Variants in KCNB2 observed in about 807,000 individuals in gnomAD.
KCNB2 encodes the protein delayed rectifier potassium channel protein.
In KCNB2, 15 loss-of-function variants were observed where a neutral mutation model predicts 61.5. That is an observed-to-expected ratio of 0.24 (90% CI 0.16 to 0.38). KCNB2 has a LOEUF of 0.38. Among genes scored for constraint, KCNB2 ranks in the 10% least tolerant of loss-of-function variants. KCNB2 has a pLI of 1.00. For missense variants in KCNB2, 828 were observed against 1,125.2 expected (o/e 0.74, Z 3.78); for synonymous variants, 457 against 446.0 (o/e 1.02, Z -0.31).
At chr8:72,815,940 G>A (rs1426565923) in intron 2 of KCNB2, among the ~76,000 whole-genome samples, 1 of 152,126 alleles carries the variant, frequency 6.6e-6, no homozygotes, top group Non-Finnish European at 1.5e-5. Flanking sequence ...AAATATTCAA[G>A]TGTAATTGTT....
intron 1 of KCNB2, among the ~76,000 whole-genome samples, chr8:72,549,002 C>T (rs1486362238): frequency 1.3e-5 from 2 of 152,186 alleles, no homozygotes; most frequent in Non-Finnish European, 2.9e-5. Context: ...TTATTTCTCA[C>T]CCTTATCCTC....
chr8:72,907,698 G>A (rs920876496), intron 2 of KCNB2, among the ~76,000 whole-genome samples: 1 of 152,202 alleles, frequency 6.6e-6, no homozygotes, highest in Non-Finnish European at 1.5e-5. Context: ...CTTGCCAAAT[G>A]TAGGCTCGAA....
chr8:72,857,167 G>T (rs1343592050), intron 2 of KCNB2, among the ~76,000 whole-genome samples: 2 of 152,122 alleles, frequency 1.3e-5, no homozygotes, highest in African/African-American at 4.8e-5. Context: ...CTGTCTTTCA[G>T]GTACATGAGC....
intron 2 of KCNB2, among the ~76,000 whole-genome samples, chr8:72,588,370 C>G (rs912143972): frequency 3.3e-5 from 5 of 151,948 alleles, no homozygotes; most frequent in Admixed American, 1.3e-4. Context: ...AGTCATGCAC[C>G]ACCACGCCGG....
rs140253783 is a variant in KCNB2, at chr8:72,674,163, G to A, written c.579+105850G>A. 2.3e-4 allele frequency among the ~76,000 whole-genome samples: 35 copies of A among 152,260 alleles called. No homozygotes were observed. In the East Asian group the frequency reaches 4.8e-3, roughly 21 times the overall value. On this transcript the variant is annotated intron_variant, in intron 2 of 2. Coordinates refer to ENST00000523207, the MANE Select transcript of KCNB2 (RefSeq NM_004770.3). Reference sequence around the variant, plus strand: ...AGATGCATAACTCTGAACCCTAAGCGTAACTCTGATGACTGTGGGGCAAGT... The same window carrying A: ...AGATGCATAACTCTGAACCCTAAGCATAACTCTGATGACTGTGGGGCAAGT...
At chr8:72,673,657 C>T (rs182947813) in intron 2 of KCNB2, among the ~76,000 whole-genome samples, 1 of 152,262 alleles carries the variant, frequency 6.6e-6, no homozygotes, top group Admixed American at 6.5e-5. Context: ...CATGAGTGAA[C>T]CTTGAAAGCA....
intron 2 of KCNB2, among the ~76,000 whole-genome samples, chr8:72,931,514 A>G (rs997425135): frequency 1.3e-5 from 2 of 152,174 alleles, no homozygotes; most frequent in Non-Finnish European, 2.9e-5. Context: ...CGTCCTTCAC[A>G]TCCCTTGTAA....
chr8:72,784,582 T>C (rs1808817014), intron 2 of KCNB2, among the ~76,000 whole-genome samples: 1 of 152,166 alleles, frequency 6.6e-6, no homozygotes, highest in South Asian at 2.1e-4. Context: ...CTTCACATGA[T>C]GGCAGGAAGA....
intron 2 of KCNB2, among the ~76,000 whole-genome samples, chr8:72,757,380 G>GA (rs1808306822): frequency 6.6e-6 from 1 of 152,160 alleles, no homozygotes; most frequent in African/African-American, 2.4e-5. Context: ...TTACTCTTCT[G>GA]AAAAACATGG....
intron 2 of KCNB2, among the ~76,000 whole-genome samples, chr8:72,721,745 T>G (rs1807553286): frequency 6.6e-6 from 1 of 152,220 alleles, no homozygotes; most frequent in Admixed American, 6.5e-5. Context: ...CTGGAATCAG[T>G]TGTGTGGCTT....
intron 2 of KCNB2, among the ~76,000 whole-genome samples, chr8:72,662,100 C>T (rs533265384): frequency 6.6e-6 from 1 of 152,260 alleles, no homozygotes; most frequent in Non-Finnish European, 1.5e-5. Flanking sequence ...AAGTAAACTT[C>T]CAATGATTAA....
At chr8:72,885,006 G>A (rs985304452) in intron 2 of KCNB2, among the ~76,000 whole-genome samples, 2 of 152,104 alleles carry the variant, frequency 1.3e-5, no homozygotes, top group Non-Finnish European at 2.9e-5. Flanking sequence ...ATATCTTTTA[G>A]CAAATTAGGA....
intron 2 of KCNB2, among the ~76,000 whole-genome samples, chr8:72,707,198 C>T (rs777512617): frequency 2.0e-5 from 3 of 152,094 alleles, no homozygotes; most frequent in South Asian, 2.1e-4. Context: ...TCCTTATAAC[C>T]GACTTTAATG....
intron 2 of KCNB2, among the ~76,000 whole-genome samples, chr8:72,592,376 A>G (rs909150746): frequency 7.9e-5 from 12 of 152,136 alleles, no homozygotes; most frequent in Non-Finnish European, 1.5e-4. Flanking sequence ...TCTGCATGTC[A>G]TAGGGGTTAG....
intron 2 of KCNB2, among the ~76,000 whole-genome samples, chr8:72,716,553 G>C (rs1807445450): frequency 6.6e-6 from 1 of 152,072 alleles, no homozygotes. Context: ...CAGAACCAAA[G>C]ACAAAAACCA....
intron 2 of KCNB2, among the ~76,000 whole-genome samples, chr8:72,697,660 C>G (rs1457902700): frequency 6.6e-6 from 1 of 151,690 alleles, no homozygotes; most frequent in South Asian, 2.1e-4. Context: ...TAAAAGAAAA[C>G]AGAAAAAAAG....
At chr8:72,857,148 A>G (rs1810219769) in intron 2 of KCNB2, among the ~76,000 whole-genome samples, 1 of 152,232 alleles carries the variant, frequency 6.6e-6, no homozygotes, top group South Asian at 2.1e-4. Context: ...CCCCACAGCC[A>G]TACAATCACT....
rs370398225 is a variant in KCNB2 at position 72,916,434 on chromosome 8, G to T, written c.580-19501G>T. Among the ~76,000 whole-genome samples, 8 of 152,158 alleles carry T rather than the reference G, an allele frequency of 5.3e-5. No individual in the cohort carries two copies. In the South Asian group the frequency reaches 1.7e-3, roughly 32 times the overall value. On this transcript the variant is annotated intron_variant, in intron 2 of 2. Transcript: ENST00000523207. ...GGGAGCACAGGTGAGAGGAGCCAGGGTGAGAGCTTTTAGGCACCAGCAGGA... is the reference window on the plus strand; with the variant it reads ...GGGAGCACAGGTGAGAGGAGCCAGGTTGAGAGCTTTTAGGCACCAGCAGGA...
At chr8:72,699,583 G>C (rs1418667949) in intron 2 of KCNB2, among the ~76,000 whole-genome samples, 2 of 152,118 alleles carry the variant, frequency 1.3e-5, no homozygotes, top group Non-Finnish European at 2.9e-5. Context: ...CTGCTGTGCA[G>C]ACGCTCTTTA....
Sources: allele counts gnomAD v4.1 joint callset (sites outside exome capture counted in the v4.1 genomes callset), GRCh38; gene constraint gnomAD v4.1.1; transcripts MANE v1.5; gene names NCBI Gene and HGNC (gene_info 2026-07-23, HGNC 2026-07-21).